The following KAZN variants were observed in gnomAD, a reference collection of about 807,000 sequenced individuals.
KAZN encodes kazrin, periplakin interacting protein.
KAZN carries 40 observed loss-of-function variants against 87.4 expected under a neutral mutation model. The observed-to-expected ratio is 0.46, with a 90% CI of 0.36 to 0.60. KAZN has a LOEUF of 0.60. Among genes scored for constraint, KAZN ranks in the 20% least tolerant of loss-of-function variants. The pLI is 0.00. For missense variants in KAZN, 898 were observed against 1,073.9 expected, an observed-to-expected ratio of 0.84 and a Z score of 2.29; for synonymous variants, 466 against 458.3, an observed-to-expected ratio of 1.02 and a Z score of -0.22.
chr1:14,736,503 G>A (rs1487979638), intron 1 of KAZN, among the ~76,000 whole-genome samples: 1 of 133,964 alleles, frequency 7.5e-6, no homozygotes, highest in Non-Finnish European at 1.6e-5. Flanking sequence ...TAGAGACAAG[G>A]TTTCATCGTG....
In KAZN at chr1:15,066,006, T is replaced by G; in HGVS notation, c.1222+253T>G. On this transcript the variant is annotated intron_variant, in intron 8 of 14. Coordinates refer to ENST00000376030, the MANE Select transcript of KAZN (RefSeq NM_201628.3). The surrounding 1 kb of genome is among the most constrained non-coding windows in gnomAD (Gnocchi z 4.3). ...CCTGCGTCGCCACCTCTGTAATTGA[T>G]GTACATACCGCAAACCGTGTGTGAA... The G allele has an allele frequency of 7.5e-7, 1 of 1,324,974 alleles. No homozygotes were observed. Among genetic ancestry groups the G allele is most frequent in the Non-Finnish European group, 9.6e-7 (1 of 1,040,978 alleles). 82.1% of individuals were successfully genotyped at this position (1,324,974 alleles called of 1,614,324 possible). A position where few individuals can be genotyped will look rare whatever the true frequency, so the allele number is the denominator to read the frequency against.
intron 2 of KAZN, among the ~76,000 whole-genome samples, chr1:14,385,369 T>G (rs904396301): frequency 6.6e-6 from 1 of 152,316 alleles, no homozygotes; most frequent in African/African-American, 2.4e-5. Context: ...TGAATATGTT[T>G]GCTCTTGCTT....
At chr1:14,179,302 C>G (rs1646147384) in intron 1 of KAZN, among the ~76,000 whole-genome samples, 1 of 152,206 alleles carries the variant, frequency 6.6e-6, no homozygotes, top group Non-Finnish European at 1.5e-5. Flanking sequence ...CTCTGGATTT[C>G]TCTTTTCTAT....
intron 1 of KAZN, among the ~76,000 whole-genome samples, chr1:13,978,267 G>GAGC (rs1638473269): frequency 6.6e-6 from 1 of 151,798 alleles, no homozygotes; most frequent in African/African-American, 2.4e-5. Flanking sequence ...CAGTTAGCTA[G>GAGC]AGCCTACGTA....
intron 2 of KAZN, among the ~76,000 whole-genome samples, chr1:14,542,368 A>C (rs992536325): frequency 3.3e-5 from 5 of 151,840 alleles, no homozygotes; most frequent in Non-Finnish European, 7.4e-5. Context: ...TGGGTGCAGC[A>C]CACCAACATG....
intron 1 of KAZN, among the ~76,000 whole-genome samples, chr1:14,719,887 G>A (rs1643005309): frequency 6.6e-6 from 1 of 152,164 alleles, no homozygotes; most frequent in South Asian, 2.1e-4. Flanking sequence ...GTGCTGGGAA[G>A]GGCATTCTAG....
chr1:13,998,183 C>T (rs569170308), intron 1 of KAZN, among the ~76,000 whole-genome samples: 3 of 152,238 alleles, frequency 2.0e-5, no homozygotes, highest in African/African-American at 4.8e-5. Context: ...TGAGGGATTT[C>T]GTTACCACCA....
intron 1 of KAZN, among the ~76,000 whole-genome samples, chr1:14,131,176 G>A (rs926464885): frequency 1.1e-4 from 17 of 152,144 alleles, no homozygotes; most frequent in Non-Finnish European, 2.2e-4. Context: ...GAACTCACTC[G>A]CTATCGCAGG....
Position 14,368,759 on chromosome 1 carries a change from T to G in KAZN, c.249+188167T>G, listed in dbSNP as rs76290696. On this transcript the variant is annotated intron_variant, in intron 2 of 16. Transcript: ENST00000636203. The stretch of plus-strand genomic sequence containing the variant: ...TTCGCTTCAACTTTCAACAATCGAT[T>G]TTTATAGTGTCTAAAGCAACTCACT... 1.6e-4 allele frequency among the ~76,000 whole-genome samples: 25 copies of G among 152,324 alleles called. No individual in the cohort carries two copies. The East Asian group carries it at 4.6e-3, about 28-fold the overall frequency.
chr1:14,525,474 C>T (rs771925719), intron 2 of KAZN, among the ~76,000 whole-genome samples: 18 of 152,288 alleles, frequency 1.2e-4, no homozygotes, highest in Non-Finnish European at 2.2e-4. Context: ...TGCTTGTGTT[C>T]CGATAAAACT....
intron 1 of KAZN, among the ~76,000 whole-genome samples, chr1:13,983,637 C>T (rs1638864796): frequency 6.6e-6 from 1 of 152,194 alleles, no homozygotes; most frequent in Non-Finnish European, 1.5e-5. Flanking sequence ...CTGAAGGGCT[C>T]CTCAAGTGCC....
At chr1:15,001,701 A>C (rs1268682571) in intron 2 of KAZN, among the ~76,000 whole-genome samples, 5 of 151,784 alleles carry the variant, frequency 3.3e-5, no homozygotes, top group Admixed American at 6.6e-5. Context: ...CAACTGCTGG[A>C]GTGCTCCTCG....
intron 2 of KAZN, among the ~76,000 whole-genome samples, chr1:14,455,400 A>T (rs1020984394): frequency 5.9e-5 from 9 of 152,164 alleles, no homozygotes; most frequent in African/African-American, 2.2e-4. Context: ...GGAACTTTCC[A>T]TCCTGTATTA....
chr1:14,042,233 T>A (rs1477108171), intron 1 of KAZN, among the ~76,000 whole-genome samples: 1 of 152,182 alleles, frequency 6.6e-6, no homozygotes, highest in Non-Finnish European at 1.5e-5. Context: ...CTACTCCTTT[T>A]ACAGAACCTG....
chr1:14,592,533 C>T (rs1676263334), intron 2 of KAZN, among the ~76,000 whole-genome samples: 1 of 152,168 alleles, frequency 6.6e-6, no homozygotes. Flanking sequence ...TGGGCTTCTG[C>T]ATTTTCACAA....
At chr1:15,008,293 G>A (rs1173210879) in intron 2 of KAZN, among the ~76,000 whole-genome samples, 1 of 152,170 alleles carries the variant, frequency 6.6e-6, no homozygotes, top group African/African-American at 2.4e-5. Flanking sequence ...AAGTGGATGA[G>A]TGGCCAGAAG....
At chr1:14,655,140 C>T (rs1167396153) in intron 1 of KAZN, among the ~76,000 whole-genome samples, 2 of 150,818 alleles carry the variant, frequency 1.3e-5, no homozygotes, top group Non-Finnish European at 3.0e-5. Flanking sequence ...AGGGGCTGCA[C>T]TTTGTGAACA....
chr1:14,647,303 C>T (rs1307939098), intron 1 of KAZN, among the ~76,000 whole-genome samples: 1 of 152,232 alleles, frequency 6.6e-6, no homozygotes, highest in East Asian at 1.9e-4. Context: ...CGCCTTCCAT[C>T]ACGCTAGACC....
At chr1:14,077,298 G>A (rs999940672) in intron 1 of KAZN, among the ~76,000 whole-genome samples, 1 of 152,146 alleles carries the variant, frequency 6.6e-6, no homozygotes, top group Admixed American at 6.5e-5. Flanking sequence ...TCCTAAAAAT[G>A]TCTTCTGCAA....
Sources: gnomAD v4.1 joint callset for allele counts (sites outside exome capture counted in the v4.1 genomes callset) on GRCh38, gnomAD v4.1.1 for gene constraint, Gnocchi (gnomAD v3.1) non-coding constraint, MANE v1.5 for transcripts, NCBI Gene and HGNC (gene_info 2026-07-23, HGNC 2026-07-21) for gene names.